The following CAMK2B variants were observed in gnomAD, a reference collection of about 807,000 sequenced individuals.
The protein encoded by CAMK2B is calcium/calmodulin-dependent protein kinase type II subunit beta.
Under a neutral mutation model 93.7 loss-of-function variants are expected in CAMK2B, and 27 were observed. The ratio of observed to expected loss-of-function variants is 0.29; its 90% CI spans 0.21 to 0.40. The LOEUF (loss-of-function observed/expected upper bound fraction) is 0.40. Among genes scored for constraint, CAMK2B ranks in the 10% least tolerant of loss-of-function variants. The pLI is 1.00. For missense variants in CAMK2B, 568 were observed against 895.8 expected, an observed-to-expected ratio of 0.63 and a Z score of 4.67; for synonymous variants, 374 against 358.8, an observed-to-expected ratio of 1.04 and a Z score of -0.48.
At chr7:44,308,531 C>A in intron 1 of CAMK2B, among the ~76,000 whole-genome samples, 1 of 152,316 alleles carries the variant, frequency 6.6e-6, no homozygotes, top group Admixed American at 6.5e-5. Context: ...TGCATCCCCC[C>A]ACTTCCTTGG....
Position 44,230,981 on chromosome 7 carries a change from G to T in CAMK2B, c.1225+25C>A, listed in dbSNP as rs1488888685. 4 of 1,550,592 alleles carry T rather than the reference G, an allele frequency of 2.6e-6. No homozygotes were observed. In the African/African-American group the frequency reaches 5.5e-5, roughly 21 times the overall value. ...ACCCAGCAATGCCAAGGCCGCTGGGGGGGCAAGGACTCAAGTGCAGGTACC... is the reference window on the plus strand; with the variant it reads ...ACCCAGCAATGCCAAGGCCGCTGGGTGGGCAAGGACTCAAGTGCAGGTACC... On this transcript the variant is annotated intron_variant, in intron 17 of 23. Coordinates refer to ENST00000395749, the MANE Select transcript of CAMK2B (RefSeq NM_001220.5).
rs373065396 is a variant in CAMK2B, at chr7:44,220,857, C to T, written c.1642G>A (p.Ala548Thr). Residue 548 changes from alanine (A) to threonine (T), a missense_variant, in exon 21 of 24, where the codon GCC becomes ACC. Ala to Thr is a moderately conservative substitution (Grantham distance 58). Transcript: ENST00000395749. Reference sequence around the variant, plus strand: ...GCCTCAAAGTCACCGTTGTTGACGGCCTCGATGAGCTGCTCCGTGGTCTTA... The same window carrying T: ...GCCTCAAAGTCACCGTTGTTGACGGTCTCGATGAGCTGCTCCGTGGTCTTA... The part of the protein sequence containing the change: ...IIKTTEQLIE[A>T]VNNGDFEAYA... 6.4e-6 allele frequency: 10 copies of T among 1,572,246 alleles called. No individual in the cohort carries two copies. The highest frequency in any genetic ancestry group is 3.7e-5 in the Admixed American group (2 of 53,934).
chr7:44,314,946 TA>T (rs1211559119), intron 1 of CAMK2B, among the ~76,000 whole-genome samples: 2 of 152,234 alleles, frequency 1.3e-5, no homozygotes, highest in African/African-American at 2.4e-5. Flanking sequence ...TGTTAGGTAG[TA>T]AAAGTTCTTA....
chr7:44,293,669 C>T (rs1787482075), intron 1 of CAMK2B, among the ~76,000 whole-genome samples: 1 of 152,190 alleles, frequency 6.6e-6, no homozygotes, highest in Admixed American at 6.5e-5. Context: ...ACCTAGATCC[C>T]TCGCTTGCAC....
intron 15 of CAMK2B, 62 bp downstream of exon 15, chr7:44,234,328 C>A: frequency 7.1e-7 from 1 of 1,407,850 alleles, no homozygotes; most frequent in Non-Finnish European, 9.5e-7. Flanking sequence ...CTCTGACCAG[C>A]GGCAATCACA....
At chr7:44,234,743 C>A (rs964965477) in intron 13 of CAMK2B, 67 bp from the exon 14 acceptor site, 8 of 1,522,224 alleles carry the variant, frequency 5.3e-6, no homozygotes, top group Non-Finnish European at 7.3e-6. Flanking sequence ...CGCAACCCCA[C>A]CCCTTTGCCT....
chr7:44,229,108 G>T (rs1468025057), intron 18 of CAMK2B, 184 bp from the exon 19 acceptor site: 1 of 685,540 alleles, frequency 1.5e-6, no homozygotes, highest in Non-Finnish European at 2.6e-6. Flanking sequence ...GTGGAGTGAG[G>T]CCTGCACCGA....
intron 1 of CAMK2B, among the ~76,000 whole-genome samples, chr7:44,307,201 G>A (rs1364659868): frequency 7.7e-6 from 1 of 129,580 alleles, no homozygotes; most frequent in Non-Finnish European, 1.6e-5. Context: ...AGAGAGGAGG[G>A]TGTGAACAGG....
chr7:44,263,298 G>T (rs1048619573), intron 2 of CAMK2B, among the ~76,000 whole-genome samples: 6 of 152,378 alleles, frequency 3.9e-5, no homozygotes, highest in Non-Finnish European at 1.5e-5. Context: ...TTCGGGTAGT[G>T]AGCGCTGCTA....
intron 5 of CAMK2B, among the ~76,000 whole-genome samples, chr7:44,254,041 G>A (rs764489060): frequency 2.0e-5 from 3 of 152,142 alleles, no homozygotes; most frequent in Non-Finnish European, 4.4e-5. Context: ...AGGTGTCAGG[G>A]TGGCATCTGG....
chr7:44,265,123 C>G (rs918139340), intron 2 of CAMK2B, among the ~76,000 whole-genome samples: 8 of 152,154 alleles, frequency 5.3e-5, no homozygotes, highest in African/African-American at 1.9e-4. Flanking sequence ...AGAAAAACTG[C>G]AACAACAGTA....
intron 23 of CAMK2B, 75 bp downstream of exon 23, chr7:44,219,985 C>G: frequency 7.8e-7 from 1 of 1,279,748 alleles, no homozygotes; most frequent in Non-Finnish European, 1.1e-6. Context: ...CGCTCCCCAT[C>G]GCCTCCCCAG....
chr7:44,234,368 C>T (rs764934034), intron 15 of CAMK2B, 22 bp downstream of exon 15: 1 of 1,493,956 alleles, frequency 6.7e-7, no homozygotes, highest in East Asian at 2.4e-5. Context: ...GGCTGAGAGG[C>T]AGAATTTGAG....
intron 2 of CAMK2B, among the ~76,000 whole-genome samples, chr7:44,270,674 T>C (rs2096966310): frequency 6.6e-6 from 1 of 152,236 alleles, no homozygotes; most frequent in Non-Finnish European, 1.5e-5. Flanking sequence ...GGAGATGCCC[T>C]GTCAAGTAGC....
At chr7:44,246,490 TTCACATATGCATGCGCATGAACATGC>T (rs2096731427) in intron 6 of CAMK2B, among the ~76,000 whole-genome samples, 1 of 151,084 alleles carries the variant, frequency 6.6e-6, no homozygotes, top group African/African-American at 2.4e-5. Flanking sequence ...CATGTACACA[TTCACATATGCATGCGCATGAACATGC>T]CCACACATGT....
At chr7:44,272,870 C>T (rs920585278) in intron 2 of CAMK2B, among the ~76,000 whole-genome samples, 2 of 152,214 alleles carry the variant, frequency 1.3e-5, no homozygotes, top group Non-Finnish European at 2.9e-5. Context: ...CTCCAGCTTG[C>T]GGGGTGCAGC....
chr7:44,314,654 T>G (rs1364722257), intron 1 of CAMK2B, among the ~76,000 whole-genome samples: 1 of 152,244 alleles, frequency 6.6e-6, no homozygotes, highest in Admixed American at 6.5e-5. Context: ...ATAGAACATT[T>G]TGAAGACCCA....
At chr7:44,260,580 T>C (rs567907564) in intron 3 of CAMK2B, among the ~76,000 whole-genome samples, 27 of 152,244 alleles carry the variant, frequency 1.8e-4, no homozygotes, top group African/African-American at 6.5e-4. Flanking sequence ...ATAGGATAAA[T>C]AGCACCTCTT....
intron 1 of CAMK2B, among the ~76,000 whole-genome samples, chr7:44,294,821 AG>A (rs1787856275): frequency 1.3e-5 from 2 of 152,192 alleles, no homozygotes; most frequent in African/African-American, 4.8e-5. Flanking sequence ...ACACTAAAGC[AG>A]TGCACCCACC....
Sources: allele counts gnomAD v4.1 joint callset (sites outside exome capture counted in the v4.1 genomes callset), GRCh38; gene constraint gnomAD v4.1.1; transcripts MANE v1.5; gene names NCBI Gene and HGNC (gene_info 2026-07-23, HGNC 2026-07-21).